PCDH17: variants seen among roughly 807,000 people sequenced by gnomAD.
PCDH17 encodes the protein protocadherin 17, also known as protocadherin-17.
Under a neutral mutation model 67.7 loss-of-function variants are expected in PCDH17, and 21 were observed. That is an observed-to-expected ratio of 0.31 (90% CI 0.22 to 0.45). PCDH17 has a LOEUF of 0.45. PCDH17 is among the 20% of genes least tolerant of loss of function. PCDH17 has a pLI of 1.00. For synonymous variants in PCDH17, 701 were observed against 656.7 expected (o/e 1.07, Z -1.03); for missense variants, 1,471 against 1,564.8 (o/e 0.94, Z 1.01).
intron 3 of PCDH17, among the ~76,000 whole-genome samples, chr13:57,723,523 T>C (rs978662446): frequency 6.6e-6 from 1 of 152,116 alleles, no homozygotes; most frequent in Non-Finnish European, 1.5e-5. Context: ...ACCAATTAAA[T>C]GGCAAATCCC....
At chr13:57,704,720 C>T (rs971958903) in intron 3 of PCDH17, among the ~76,000 whole-genome samples, 3 of 151,816 alleles carry the variant, frequency 2.0e-5, no homozygotes, top group South Asian at 2.1e-4. Context: ...AATAACATGG[C>T]GGAAACATTC....
At chr13:57,668,749 T>C (rs1167687413) in intron 3 of PCDH17, among the ~76,000 whole-genome samples, 1 of 151,996 alleles carries the variant, frequency 6.6e-6, no homozygotes, top group Non-Finnish European at 1.5e-5. Context: ...TATTAGTAAA[T>C]ACAGGAAAAT....
chr13:57,636,450 A>T (rs892180213), intron 1 of PCDH17, among the ~76,000 whole-genome samples: 33 of 152,226 alleles, frequency 2.2e-4, no homozygotes, highest in South Asian at 2.1e-4. Flanking sequence ...CATAATAAGT[A>T]TACCAAATAC....
intron 3 of PCDH17, among the ~76,000 whole-genome samples, chr13:57,697,077 C>G (rs1371578730): frequency 2.0e-5 from 3 of 151,470 alleles, no homozygotes; most frequent in African/African-American, 7.3e-5. Flanking sequence ...GGGAGTCCAT[C>G]CTTTATGGAG....
intron 1 of PCDH17, among the ~76,000 whole-genome samples, chr13:57,647,100 T>C (rs976262310): frequency 6.6e-6 from 1 of 151,794 alleles, no homozygotes; most frequent in Non-Finnish European, 1.5e-5. Context: ...AAAATACAGC[T>C]TGGACATCTG....
chr13:57,667,904 C>A (rs1456344433), intron 3 of PCDH17, among the ~76,000 whole-genome samples: 4 of 147,788 alleles, frequency 2.7e-5, no homozygotes, highest in Admixed American at 2.0e-4. Context: ...TTTTTTAAAA[C>A]AAAATTAATA....
intron 3 of PCDH17, among the ~76,000 whole-genome samples, chr13:57,674,944 T>C (rs966320701): frequency 6.6e-6 from 1 of 151,942 alleles, no homozygotes; most frequent in Non-Finnish European, 1.5e-5. Flanking sequence ...CATTGAGTCT[T>C]CAGGTTAGTG....
chr13:57,700,491 G>A (rs1439832448), intron 3 of PCDH17, among the ~76,000 whole-genome samples: 1 of 151,774 alleles, frequency 6.6e-6, no homozygotes, highest in Non-Finnish European at 1.5e-5. Context: ...GCTAATTTTT[G>A]TATTTTTAGT....
At chr13:57,695,325 G>A (rs956696389) in intron 3 of PCDH17, among the ~76,000 whole-genome samples, 7 of 151,038 alleles carry the variant, frequency 4.6e-5, no homozygotes, top group Non-Finnish European at 8.9e-5. Context: ...CTTTCATTTA[G>A]CAATTTTAGC....
Position 57,634,580 on chromosome 13 carries a change from G to A in PCDH17, c.2034G>A (p.Lys678=), listed in dbSNP as rs750073307. The part of the protein sequence containing the change: ...HGKPTLSAVA[K]LIIRSVSGSL... ...AGCCTACCCTGTCCGCAGTGGCCAA[G>A]CTCATCATCCGCTCGGTGAGCGGAT... Residue 678 remains lysine (K), a synonymous_variant, in exon 1 of 4, where the codon AAG becomes AAA. Transcript: ENST00000377918. The surrounding 1 kb of genome is among the most constrained non-coding windows in gnomAD (Gnocchi z 7.8). 1.2e-6 allele frequency: 2 copies of A among 1,613,372 alleles called. No individual in the cohort carries two copies. Among genetic ancestry groups the A allele is most frequent in the Admixed American group, 3.3e-5 (2 of 60,030 alleles).
At chr13:57,669,803 C>CTT (rs1955298632) in intron 3 of PCDH17, among the ~76,000 whole-genome samples, 1 of 152,012 alleles carries the variant, frequency 6.6e-6, no homozygotes, top group Non-Finnish European at 1.5e-5. Flanking sequence ...AAATGAGAGA[C>CTT]TTTGCTCAAA....
chr13:57,652,943 C>A (rs1566222122), intron 1 of PCDH17, among the ~76,000 whole-genome samples: 1 of 152,052 alleles, frequency 6.6e-6, no homozygotes, highest in Non-Finnish European at 1.5e-5. Flanking sequence ...GAGGAGAATT[C>A]TTTAAGGCTT....
chr13:57,671,653 T>C (rs1955324228), intron 3 of PCDH17, among the ~76,000 whole-genome samples: 1 of 152,106 alleles, frequency 6.6e-6, no homozygotes, highest in African/African-American at 2.4e-5. Context: ...AACTAATAAA[T>C]GTACAGTCCT....
At chr13:57,657,800 C>T (rs1216104846) in intron 1 of PCDH17, among the ~76,000 whole-genome samples, 1 of 152,114 alleles carries the variant, frequency 6.6e-6, no homozygotes, top group African/African-American at 2.4e-5. Flanking sequence ...ATTAGGAAAA[C>T]ACTGAAAATA....
At chr13:57,723,789 A>C (rs1955890865) in intron 3 of PCDH17, among the ~76,000 whole-genome samples, 1 of 152,190 alleles carries the variant, frequency 6.6e-6, no homozygotes, top group African/African-American at 2.4e-5. Context: ...TCTGTGAAAT[A>C]GAGATCATTA....
In PCDH17 at chr13:57,728,466, T is replaced by C. The variant is rs1955930363; in HGVS notation, c.*3172T>C. The C allele has an allele frequency of 1.5e-5, 2 of 129,394 alleles. No individual in the cohort carries two copies. Among genetic ancestry groups the C allele is most frequent in the African/African-American group, 6.0e-5 (2 of 33,448 alleles). The allele number at this position is 129,394 out of a possible 1,614,324, so 8.0% of individuals were successfully genotyped here. A position where few individuals can be genotyped will look rare whatever the true frequency, so the allele number is the denominator to read the frequency against. ...AAGCACAGAAAAAAAAATCACTTCA[T>C]GGAAATTTCAGTAAGAAACCCAAAC... is the stretch of plus-strand genomic sequence containing the variant. On this transcript the variant is annotated 3_prime_UTR_variant, in exon 4 of 4. Coordinates refer to ENST00000377918, the MANE Select transcript of PCDH17 (RefSeq NM_001040429.3).
chr13:57,663,365 A>G (rs1955208137), intron 1 of PCDH17, among the ~76,000 whole-genome samples: 1 of 152,132 alleles, frequency 6.6e-6, no homozygotes, highest in Non-Finnish European at 1.5e-5. Context: ...ACCCTCTTCC[A>G]AGACTTAAAA....
At chr13:57,649,728 G>T (rs1371550988) in intron 1 of PCDH17, among the ~76,000 whole-genome samples, 1 of 152,080 alleles carries the variant, frequency 6.6e-6, no homozygotes, top group Admixed American at 6.5e-5. Flanking sequence ...TTCAGCTTGA[G>T]CTATTTATGC....
chr13:57,671,196 A>G (rs921482608), intron 3 of PCDH17, among the ~76,000 whole-genome samples: 5 of 151,874 alleles, frequency 3.3e-5, no homozygotes, highest in African/African-American at 7.2e-5. Context: ...TGGAAGTTGT[A>G]TAGTACCATA....
Sources: allele counts gnomAD v4.1 joint callset (sites outside exome capture counted in the v4.1 genomes callset), GRCh38; gene constraint gnomAD v4.1.1; non-coding constraint Gnocchi (gnomAD v3.1); transcripts MANE v1.5; gene names NCBI Gene and HGNC (gene_info 2026-07-23, HGNC 2026-07-21).